Variants in PTPRN2 observed in about 807,000 individuals in gnomAD.
The protein encoded by PTPRN2 is receptor-type tyrosine-protein phosphatase N2.
PTPRN2 carries 74 observed loss-of-function variants against 118.8 expected under a neutral mutation model. The ratio of observed to expected loss-of-function variants is 0.62; its 90% CI spans 0.52 to 0.76. The LOEUF (loss-of-function observed/expected upper bound fraction) is 0.76, where lower values mean the gene tolerates loss of function less well. Among genes scored for constraint, PTPRN2 ranks in the 30% least tolerant of loss-of-function variants. PTPRN2 has a pLI of 0.00. For missense variants in PTPRN2, 1,481 were observed against 1,394.4 expected, an observed-to-expected ratio of 1.06 and a Z score of -0.99; for synonymous variants, 641 against 608.0, an observed-to-expected ratio of 1.05 and a Z score of -0.80.
At chr7:157,939,711 C>T (rs923281430) in intron 11 of PTPRN2, among the ~76,000 whole-genome samples, 2 of 152,260 alleles carry the variant, frequency 1.3e-5, no homozygotes, top group African/African-American at 2.4e-5. Flanking sequence ...TTCCCTCTGG[C>T]ATATCTTACA....
At position 157,672,054 on chromosome 7, in the gene PTPRN2, C is replaced by T. The variant is rs563650280; in HGVS notation, c.2001+10671G>A. 7.2e-5 allele frequency among the ~76,000 whole-genome samples: 11 copies of T among 152,016 alleles called. No homozygotes were observed. In the South Asian group the frequency reaches 1.7e-3, roughly 23 times the overall value. On this transcript the variant is annotated intron_variant, in intron 13 of 22. Coordinates refer to ENST00000389418, the MANE Select transcript of PTPRN2 (RefSeq NM_002847.5). ...CTTTGCAGAGGGTGCTGGGAGCAGC[C>T]GGCCCGAGGACACCGCTGACTGGGG...
At chr7:157,776,462 C>T (rs1803268538) in intron 12 of PTPRN2, among the ~76,000 whole-genome samples, 2 of 145,242 alleles carry the variant, frequency 1.4e-5, no homozygotes, top group Non-Finnish European at 3.0e-5. Context: ...CCTCCTCCTC[C>T]CTCTCCTTCT....
intron 2 of PTPRN2, among the ~76,000 whole-genome samples, chr7:158,417,683 G>A (rs1432073086): frequency 1.4e-5 from 2 of 141,944 alleles, no homozygotes; most frequent in South Asian, 2.4e-4. Context: ...GTTAAGTCAC[G>A]GTGTACTACA....
At chr7:157,552,863 C>A (rs1344229458) in intron 21 of PTPRN2, among the ~76,000 whole-genome samples, 2 of 152,212 alleles carry the variant, frequency 1.3e-5, no homozygotes, top group Non-Finnish European at 2.9e-5. Flanking sequence ...TCTGGAGGGG[C>A]TTTCCTCCCG....
chr7:158,044,247 A>T (rs1453298490), intron 11 of PTPRN2, among the ~76,000 whole-genome samples: 1 of 152,186 alleles, frequency 6.6e-6, no homozygotes. Context: ...GGGAATCCTG[A>T]AGCTGGTGCG....
intron 12 of PTPRN2, among the ~76,000 whole-genome samples, chr7:157,789,655 ATG>A (rs1343867583): frequency 9.7e-5 from 11 of 113,808 alleles, no homozygotes; most frequent in African/African-American, 3.4e-4. Flanking sequence ...TGGGTGTGAT[ATG>A]TGTGTGTGGT....
chr7:158,076,229 T>A (rs1812346137), intron 11 of PTPRN2, among the ~76,000 whole-genome samples: 1 of 152,232 alleles, frequency 6.6e-6, no homozygotes, highest in Non-Finnish European at 1.5e-5. Context: ...CTTGCTCCAA[T>A]CTCTTAATCA....
chr7:158,240,765 G>A lies in PTPRN2; in HGVS notation c.278-35492C>T, dbSNP rs535115511. ...TTTCTAATGGCAAAAGGCTTCCTTC[G>A]AACTTTACCCTTGCTAGATCTTAAT... On this transcript the variant is annotated intron_variant, in intron 3 of 22. Transcript: ENST00000389418. Among the ~76,000 whole-genome samples, 26 of 152,290 alleles carry A rather than the reference G, an allele frequency of 1.7e-4. 1 individual carries two copies. Among genetic ancestry groups the A allele is most frequent in the Admixed American group, 7.2e-4 (11 of 15,306 alleles).
rs867176072 is a variant in PTPRN2 at position 157,745,533 on chromosome 7, G to A, written c.1789-62596C>T. The stretch of plus-strand genomic sequence containing the variant: ...AGGCTGCACAATGCTGGGCTCCTCC[G>A]ACAATGCTCACCTCTCTTCTCCCCT... On this transcript the variant is annotated intron_variant, in intron 12 of 22. Coordinates refer to ENST00000389418, the MANE Select transcript of PTPRN2 (RefSeq NM_002847.5). 5.3e-5 allele frequency among the ~76,000 whole-genome samples: 8 copies of A among 152,050 alleles called. No homozygotes were observed. The South Asian group carries it at 1.2e-3, about 24-fold the overall frequency.
At chr7:158,318,799 G>T (rs750944089) in intron 2 of PTPRN2, among the ~76,000 whole-genome samples, 2 of 152,364 alleles carry the variant, frequency 1.3e-5, no homozygotes, top group African/African-American at 2.4e-5. Flanking sequence ...GAGCCTGGCT[G>T]GTCCGGGCCC....
At chr7:157,702,347 G>A (rs1563016652) in intron 12 of PTPRN2, among the ~76,000 whole-genome samples, 1 of 150,878 alleles carries the variant, frequency 6.6e-6, no homozygotes, top group African/African-American at 2.4e-5. Context: ...GGTCGGTGCT[G>A]GTGTAACTAT....
chr7:157,999,041 T>C (rs1805012337), intron 11 of PTPRN2, among the ~76,000 whole-genome samples: 1 of 151,876 alleles, frequency 6.6e-6, no homozygotes, highest in South Asian at 2.1e-4. Flanking sequence ...GGTCCGATCC[T>C]GGCTGTTCCT....
At chr7:158,092,566 AT>A (rs1187022872) in intron 10 of PTPRN2, among the ~76,000 whole-genome samples, 1 of 152,112 alleles carries the variant, frequency 6.6e-6, no homozygotes, top group East Asian at 1.9e-4. Flanking sequence ...CTTAAGAATC[AT>A]TTTGCATTAA....
chr7:157,578,819 C>A (rs1800194395), intron 17 of PTPRN2, among the ~76,000 whole-genome samples: 1 of 152,220 alleles, frequency 6.6e-6, no homozygotes. Flanking sequence ...TGGCTGTAAA[C>A]CCACATCTTA....
At chr7:158,190,181 G>A (rs550651840) in intron 5 of PTPRN2, among the ~76,000 whole-genome samples, 3 of 152,160 alleles carry the variant, frequency 2.0e-5, no homozygotes, top group East Asian at 3.9e-4. Flanking sequence ...GACACCTCCA[G>A]GGCCACTACC....
intron 12 of PTPRN2, among the ~76,000 whole-genome samples, chr7:157,742,870 G>T (rs1800713701): frequency 6.6e-6 from 1 of 152,196 alleles, no homozygotes; most frequent in African/African-American, 2.4e-5. Flanking sequence ...TAATTCCAAA[G>T]TATTGATATT....
rs1023904071 is a variant in PTPRN2, at chr7:157,874,794, TATACACACAGAGACACACTC to T, written c.1788+23859_1788+23878del. On this transcript the variant is annotated intron_variant, in intron 12 of 22. Transcript: ENST00000389418. The surrounding 1 kb of genome is among the most constrained non-coding windows in gnomAD (Gnocchi z 5.8). ...ACACACACGAACACACTCATACACA[TATACACACAGAGACACACTC>T]ATGGACACACACAGAGACACACTCA... is the stretch of plus-strand genomic sequence containing the variant. 1.7e-5 allele frequency among the ~76,000 whole-genome samples: 2 copies of T among 120,536 alleles called. No homozygotes were observed. The highest frequency in any genetic ancestry group is 3.6e-5 in the Non-Finnish European group (2 of 55,890). 79.1% of individuals were successfully genotyped at this position (120,536 alleles called of 152,430 possible). A position where few individuals can be genotyped will look rare whatever the true frequency, so the allele number is the denominator to read the frequency against.
In PTPRN2 at chr7:158,134,056, G is replaced by T; in HGVS notation, c.1177C>A (p.His393Asn). The T allele has an allele frequency of 6.2e-7, 1 of 1,611,804 alleles. No individual in the cohort carries two copies. Among genetic ancestry groups the T allele is most frequent in the Non-Finnish European group, 8.5e-7 (1 of 1,178,826 alleles). The change falls in exon 9 of 23, where the codon CAT becomes AAT. Residue 393 changes from histidine to asparagine, a missense_variant. His to Asn is a moderately conservative substitution (Grantham distance 68). This residue lies in a region of PTPRN2 where 1,115 missense variants were observed against 994.2 expected (regional missense o/e 1.12). Transcript: ENST00000389418. ...DDDDRLYQEV[H>N]RLSATLGGLL... ...CCCCCGAGTGTGGCACTCAGACGAT[G>T]GACCTGACAGAGAGGACATTCCGTG...
chr7:157,792,173 C>T (rs1804549732), intron 12 of PTPRN2, among the ~76,000 whole-genome samples: 1 of 152,254 alleles, frequency 6.6e-6, no homozygotes, highest in Non-Finnish European at 1.5e-5. Context: ...TGAGCTGCCT[C>T]ATGGGGTGGG....
Sources: gnomAD v4.1 joint callset for allele counts (sites outside exome capture counted in the v4.1 genomes callset) on GRCh38, gnomAD v4.1.1 for gene constraint, gnomAD v4.1.1 regional missense constraint, Gnocchi (gnomAD v3.1) non-coding constraint, MANE v1.5 for transcripts, NCBI Gene and HGNC (gene_info 2026-07-23, HGNC 2026-07-21) for gene names.